CCDC93: variants seen among roughly 807,000 people sequenced by gnomAD.
CCDC93 encodes coiled-coil domain-containing protein 93.
Under a neutral mutation model 108.2 loss-of-function variants are expected in CCDC93, and 61 were observed. The ratio of observed to expected loss-of-function variants is 0.56; its 90% CI spans 0.46 to 0.70. The LOEUF (loss-of-function observed/expected upper bound fraction) is 0.70, where lower values mean the gene tolerates loss of function less well. CCDC93 is among the 30% of genes least tolerant of loss of function. CCDC93 has a pLI of 0.00. For synonymous variants in CCDC93, 276 were observed against 260.4 expected, an observed-to-expected ratio of 1.06 and a Z score of -0.58; for missense variants, 685 against 764.2, an observed-to-expected ratio of 0.90 and a Z score of 1.22.
chr2:117,939,022 T>G lies in CCDC93; in HGVS notation c.1605+7A>C. The G allele has an allele frequency of 6.7e-7, 1 of 1,484,290 alleles. No individual in the cohort carries two copies. Among genetic ancestry groups the G allele is most frequent in the Non-Finnish European group, 9.4e-7 (1 of 1,064,306 alleles). 91.9% of individuals were successfully genotyped at this position (1,484,290 alleles called of 1,614,324 possible). A position where few individuals can be genotyped will look rare whatever the true frequency, so the allele number is the denominator to read the frequency against. ...CTTAGCCATTTTCTTTTTATAAATG[T>G]TCTTACCTCTTTTTCCAAATAAACC... On this transcript the variant is annotated splice_region_variant and intron_variant, in intron 20 of 23. Transcript: ENST00000376300.
intron 13 of CCDC93, chr2:117,951,132 A>G (rs1679042860): frequency 1.0e-6 from 1 of 984,368 alleles, no homozygotes; most frequent in South Asian, 4.7e-5. Flanking sequence ...TGATATCAAG[A>G]TATTTTGCCT....
intron 8 of CCDC93, among the ~76,000 whole-genome samples, chr2:117,977,723 G>T (rs1427443878): frequency 2.6e-5 from 4 of 152,170 alleles, no homozygotes; most frequent in African/African-American, 9.6e-5. Flanking sequence ...CCTTCATACT[G>T]CAGAGCCACT....
At chr2:117,951,189 A>C (rs1679045158) in intron 13 of CCDC93, 3 of 985,462 alleles carry the variant, frequency 3.0e-6, no homozygotes, top group Non-Finnish European at 3.6e-6. Flanking sequence ...ACGAATTGGC[A>C]AACTTCATGC....
chr2:117,987,308 C>T (rs577354789), intron 6 of CCDC93, among the ~76,000 whole-genome samples: 6 of 152,278 alleles, frequency 3.9e-5, no homozygotes, highest in African/African-American at 7.2e-5. Context: ...GGACACTACG[C>T]GGCCTAGCCC....
rs373187880 is a variant in CCDC93 at position 118,013,958 on chromosome 2, G to A, written c.38C>T (p.Pro13Leu). ...GGAAGGAGGAGGCGTTCTTACCTCC[G>A]GGAGACCCTGGCCCTCCGGCCCCCT... ...LPRGPEGQGL[P>L]EVETREDEEQ... The change falls in exon 1 of 24, where the codon CCG becomes CTG. Residue 13 changes from proline to leucine, a missense_variant. Coordinates refer to ENST00000376300, the MANE Select transcript of CCDC93 (RefSeq NM_019044.5). 7.8e-5 allele frequency: 124 copies of A among 1,593,144 alleles called. No individual in the cohort carries two copies. The highest frequency in any genetic ancestry group is 9.9e-5 in the Non-Finnish European group (116 of 1,171,482).
intron 22 of CCDC93, among the ~76,000 whole-genome samples, chr2:117,931,882 T>C (rs1448882807): frequency 6.6e-6 from 1 of 152,214 alleles, no homozygotes; most frequent in Non-Finnish European, 1.5e-5. Flanking sequence ...TCAACAAACA[T>C]TGACTTAGAA....
intron 13 of CCDC93, chr2:117,951,243 C>T (rs1041572195): frequency 3.0e-6 from 3 of 985,352 alleles, no homozygotes; most frequent in Non-Finnish European, 1.2e-6. Flanking sequence ...GCTCCCAACC[C>T]GCAGAGCTTG....
intron 6 of CCDC93, among the ~76,000 whole-genome samples, chr2:117,995,074 T>G (rs554854923): frequency 6.6e-6 from 1 of 152,286 alleles, no homozygotes; most frequent in South Asian, 2.1e-4. Flanking sequence ...ACTCTGTCTA[T>G]GCAAAGCCAT....
intron 11 of CCDC93, among the ~76,000 whole-genome samples, chr2:117,963,628 C>A (rs1159422878): frequency 2.0e-5 from 3 of 152,166 alleles, no homozygotes; most frequent in Non-Finnish European, 4.4e-5. Flanking sequence ...TAAGGCTTTG[C>A]TTTGGGTCCC....
chr2:117,944,653 G>C, intron 17 of CCDC93: 1 of 460,578 alleles, frequency 2.2e-6, no homozygotes. Context: ...TGTCGCCTCA[G>C]AGAAAGTTAC....
At chr2:117,924,779 T>C (rs562081616) in intron 23 of CCDC93, among the ~76,000 whole-genome samples, 52 of 152,212 alleles carry the variant, frequency 3.4e-4, no homozygotes, top group African/African-American at 1.2e-3. Flanking sequence ...ATACAGAGAA[T>C]GCCACAAAGA....
At chr2:117,955,275 C>T (rs184639815) in intron 12 of CCDC93, among the ~76,000 whole-genome samples, 1 of 152,240 alleles carries the variant, frequency 6.6e-6, no homozygotes, top group African/African-American at 2.4e-5. Context: ...ATACAACTCA[C>T]TCTCCCCAGG....
chr2:117,949,502 T>G, intron 13 of CCDC93, 107 bp from the exon 14 acceptor site: 1 of 826,016 alleles, frequency 1.2e-6, no homozygotes, highest in Non-Finnish European at 1.9e-6. Context: ...AGAAGAAACT[T>G]AAACTTGGAT....
chr2:117,989,352 T>C (rs936177357), intron 6 of CCDC93, among the ~76,000 whole-genome samples: 15 of 152,162 alleles, frequency 9.9e-5, no homozygotes, highest in African/African-American at 3.6e-4. Context: ...CTACTCTGGA[T>C]GTGGCCCTTG....
At chr2:117,940,351 G>T (rs1678658642) in intron 19 of CCDC93, among the ~76,000 whole-genome samples, 1 of 152,172 alleles carries the variant, frequency 6.6e-6, no homozygotes, top group African/African-American at 2.4e-5. Flanking sequence ...TAGCCTGACA[G>T]AAGAAAAAGG....
intron 8 of CCDC93, among the ~76,000 whole-genome samples, chr2:117,976,708 C>T (rs1328733851): frequency 6.6e-6 from 1 of 152,048 alleles, no homozygotes; most frequent in Non-Finnish European, 1.5e-5. Context: ...AGTCACTCAG[C>T]GAATAGAGGA....
At chr2:117,955,279 C>T (rs1679182434) in intron 12 of CCDC93, among the ~76,000 whole-genome samples, 1 of 152,114 alleles carries the variant, frequency 6.6e-6, no homozygotes, top group Admixed American at 6.5e-5. Flanking sequence ...AACTCACTCT[C>T]CCCAGGTGAG....
rs1677779948 is a variant in CCDC93 at position 117,919,077 on chromosome 2, C to T, written c.*1266G>A. 6.6e-6 allele frequency: 1 copy of T among 152,172 alleles called. No homozygotes were observed. Among genetic ancestry groups the T allele is most frequent in the Non-Finnish European group, 1.5e-5 (1 of 68,044 alleles). The allele number at this position is 152,172 out of a possible 1,614,324, so 9.4% of individuals were successfully genotyped here. On this transcript the variant is annotated 3_prime_UTR_variant, in exon 24 of 24. Coordinates refer to ENST00000376300, the MANE Select transcript of CCDC93 (RefSeq NM_019044.5). The stretch of plus-strand genomic sequence containing the variant: ...TTATGCAAAATGGAGCACAAACCTA[C>T]AGAACATGACTGAGTTACCAGACTC...
rs755649869 is a variant in CCDC93 at position 118,014,026 on chromosome 2, G to A, written c.-31C>T. ...GACCGGGCTGTCGTAAGGCGAGAGC[G>A]AAGCCCGCCAAGCGTCCGGAGGAAG... On this transcript the variant is annotated 5_prime_UTR_variant, in exon 1 of 24. Coordinates refer to ENST00000376300, the MANE Select transcript of CCDC93 (RefSeq NM_019044.5). The A allele has an allele frequency of 1.0e-5, 16 of 1,586,758 alleles. No individual in the cohort carries two copies. Among genetic ancestry groups the A allele is most frequent in the South Asian group, 3.5e-5 (3 of 86,698 alleles).
Sources: gnomAD v4.1 joint callset for allele counts (sites outside exome capture counted in the v4.1 genomes callset) on GRCh38, gnomAD v4.1.1 for gene constraint, MANE v1.5 for transcripts, NCBI Gene and HGNC (gene_info 2026-07-23, HGNC 2026-07-21) for gene names.